PLCB4: variants seen among roughly 807,000 people sequenced by gnomAD.
PLCB4 encodes 1-phosphatidylinositol 4,5-bisphosphate phosphodiesterase beta-4.
Under a neutral mutation model 178.8 loss-of-function variants are expected in PLCB4, and 77 were observed. The ratio of observed to expected loss-of-function variants is 0.43; its 90% confidence interval spans 0.36 to 0.52. The LOEUF (loss-of-function observed/expected upper bound fraction) is 0.52, where lower values mean the gene tolerates loss of function less well. PLCB4 is among the 20% of genes least tolerant of loss of function. The pLI is 0.00. For synonymous variants in PLCB4, 496 were observed against 490.8 expected (o/e 1.01, Z -0.14); for missense variants, 1,024 against 1,453.4 (o/e 0.70, Z 4.80).
At position 9,337,164 on chromosome 20, in the gene PLCB4, G is replaced by T; in HGVS notation, c.123G>T (p.Val41=). Reference sequence around the variant, plus strand: ...TTGAACCCAACTGCCTCTTCAAAGTGGATGAGTTTGGCTTCTTTCTGACAT... The same window carrying T: ...TTGAACCCAACTGCCTCTTCAAAGTTGATGAGTTTGGCTTCTTTCTGACAT... The part of the protein sequence containing the change: ...FVFEPNCLFK[V]DEFGFFLTWR... The change falls in exon 5 of 40, where the codon GTG becomes GTT. Residue 41 remains valine (V), a synonymous_variant. Coordinates refer to ENST00000378473, the MANE Select transcript of PLCB4 (RefSeq NM_001377142.1). 6.2e-7 allele frequency: 1 copy of T among 1,613,346 alleles called. No individual in the cohort carries two copies. Among genetic ancestry groups the T allele is most frequent in the Non-Finnish European group, 8.5e-7 (1 of 1,179,456 alleles).
At chr20:9,105,514 C>T (rs2091328933) in intron 2 of PLCB4, among the ~76,000 whole-genome samples, 1 of 152,062 alleles carries the variant, frequency 6.6e-6, no homozygotes, top group East Asian at 1.9e-4. Context: ...TATTAATACT[C>T]TCAGAATTAC....
intron 3 of PLCB4, among the ~76,000 whole-genome samples, chr20:9,265,159 A>G (rs1440433001): frequency 6.6e-6 from 1 of 152,116 alleles, no homozygotes; most frequent in Non-Finnish European, 1.5e-5. Flanking sequence ...AGGGACCATC[A>G]GTGAGTGATT....
intron 4 of PLCB4, among the ~76,000 whole-genome samples, chr20:9,309,253 C>T (rs2094804251): frequency 6.6e-6 from 1 of 152,138 alleles, no homozygotes; most frequent in Non-Finnish European, 1.5e-5. Context: ...CTTACAGTTT[C>T]CCCCATAAAC....
At chr20:9,375,864 A>G (rs1366839576) in intron 12 of PLCB4, among the ~76,000 whole-genome samples, 1 of 152,282 alleles carries the variant, frequency 6.6e-6, no homozygotes, top group East Asian at 1.9e-4. Context: ...CACTGCCATT[A>G]ACCAGGTAGA....
chr20:9,200,247 T>G (rs2093525719), intron 2 of PLCB4, among the ~76,000 whole-genome samples: 1 of 152,230 alleles, frequency 6.6e-6, no homozygotes, highest in African/African-American at 2.4e-5. Flanking sequence ...TTTAACTTTT[T>G]CAATGCTGGG....
intron 3 of PLCB4, among the ~76,000 whole-genome samples, chr20:9,245,878 C>A (rs974304759): frequency 6.6e-6 from 1 of 152,020 alleles, no homozygotes; most frequent in African/African-American, 2.4e-5. Flanking sequence ...GTGATCCATC[C>A]GCCTCAGCCT....
chr20:9,386,765 C>T (rs1419982779), intron 14 of PLCB4, among the ~76,000 whole-genome samples: 4 of 150,882 alleles, frequency 2.7e-5, no homozygotes, highest in Middle Eastern at 3.4e-3. Context: ...CCCATTAACT[C>T]GTCATTTAGC....
At chr20:9,236,438 G>A (rs756458240) in intron 3 of PLCB4, among the ~76,000 whole-genome samples, 6 of 152,164 alleles carry the variant, frequency 3.9e-5, no homozygotes, top group Non-Finnish European at 8.8e-5. Context: ...TTCCTTTTGT[G>A]TGCGTGTGTT....
chr20:9,240,253 C>T (rs907601550), intron 3 of PLCB4, among the ~76,000 whole-genome samples: 2 of 151,986 alleles, frequency 1.3e-5, no homozygotes, highest in African/African-American at 4.8e-5. Context: ...GTCTTATGAC[C>T]TACTTTCAGG....
chr20:9,087,429 A>ATATTT (rs11471570), intron 1 of PLCB4, among the ~76,000 whole-genome samples: 17 of 151,452 alleles, frequency 1.1e-4, no homozygotes, highest in South Asian at 2.1e-4. Context: ...ACTTTGAATG[A>ATATTT]TTTTTTTTGG....
At chr20:9,420,347 T>C (rs1602559005) in intron 26 of PLCB4, among the ~76,000 whole-genome samples, 2 of 152,302 alleles carry the variant, frequency 1.3e-5, no homozygotes, top group East Asian at 1.9e-4. Context: ...TTTTTGTTTT[T>C]TATTTTTTGA....
chr20:9,226,249 C>CT (rs1360820071), intron 3 of PLCB4, among the ~76,000 whole-genome samples: 2 of 152,122 alleles, frequency 1.3e-5, no homozygotes, highest in African/African-American at 4.8e-5. Flanking sequence ...CTGTAAGAAA[C>CT]TGTTGCAACA....
chr20:9,342,655 GGTTTT>G (rs1441153156), intron 7 of PLCB4, among the ~76,000 whole-genome samples: 3 of 147,218 alleles, frequency 2.0e-5, no homozygotes, highest in African/African-American at 5.0e-5. Flanking sequence ...TATGTTTTGG[GGTTTT>G]TTTTTTTTTT....
intron 28 of PLCB4, among the ~76,000 whole-genome samples, chr20:9,435,213 G>T (rs978632668): frequency 6.6e-6 from 1 of 152,168 alleles, no homozygotes; most frequent in African/African-American, 2.4e-5. Context: ...ACTGAGGCTG[G>T]GGACATTAAT....
At chr20:9,410,485 C>T (rs886614709) in intron 24 of PLCB4, among the ~76,000 whole-genome samples, 4 of 152,074 alleles carry the variant, frequency 2.6e-5, no homozygotes, top group Admixed American at 6.6e-5. Flanking sequence ...ATTTCTTTTG[C>T]GGATGGGAAG....
At chr20:9,464,319 A>G (rs1303200068) in intron 35 of PLCB4, among the ~76,000 whole-genome samples, 1 of 152,242 alleles carries the variant, frequency 6.6e-6, no homozygotes, top group Non-Finnish European at 1.5e-5. Context: ...TGCCCACAAG[A>G]GAAAGCAGGA....
chr20:9,078,733 C>T (rs1267237840), intron 1 of PLCB4, among the ~76,000 whole-genome samples: 1 of 152,188 alleles, frequency 6.6e-6, no homozygotes, highest in African/African-American at 2.4e-5. Flanking sequence ...TGATTGATTC[C>T]TAACTGTGTT....
chr20:9,196,911 A>G (rs890715835), intron 2 of PLCB4, among the ~76,000 whole-genome samples: 1 of 152,220 alleles, frequency 6.6e-6, no homozygotes, highest in Non-Finnish European at 1.5e-5. Flanking sequence ...CTTGAATTTC[A>G]TCAATACAGT....
chr20:9,079,289 C>T (rs1423004115), intron 1 of PLCB4, among the ~76,000 whole-genome samples: 1 of 152,052 alleles, frequency 6.6e-6, no homozygotes, highest in East Asian at 1.9e-4. Flanking sequence ...GTTAAAGGGA[C>T]CTTTTGCAAG....
Sources: gnomAD v4.1 joint callset for allele counts (sites outside exome capture counted in the v4.1 genomes callset) on GRCh38, gnomAD v4.1.1 for gene constraint, MANE v1.5 for transcripts, NCBI Gene and HGNC (gene_info 2026-07-23, HGNC 2026-07-21) for gene names.